Variants in KANSL1 observed in about 807,000 individuals in gnomAD.
KANSL1 encodes the protein MLL1/MLL complex subunit KANSL1.
In KANSL1, 22 loss-of-function variants were observed where a neutral mutation model predicts 103.6. The observed-to-expected ratio is 0.21, with a 90% confidence interval of 0.15 to 0.30. KANSL1 has a LOEUF of 0.30. KANSL1 is among the 10% of genes least tolerant of loss of function. The probability of loss-of-function intolerance (pLI) is 1.00; values close to 1 mark genes in which losing one functional copy is unlikely to be tolerated. For synonymous variants in KANSL1, 600 were observed against 527.6 expected (o/e 1.14, Z -1.88); for missense variants, 1,337 against 1,399.8 (o/e 0.96, Z 0.72).
At chr17:46,220,327 C>T (rs2048489035) in intron 1 of KANSL1, among the ~76,000 whole-genome samples, 4 of 151,840 alleles carry the variant, frequency 2.6e-5, no homozygotes. Flanking sequence ...CGCCATTCTC[C>T]TGCCTCAGCC....
At chr17:46,145,713 C>G (rs1406885481) in intron 2 of KANSL1, among the ~76,000 whole-genome samples, 1 of 152,178 alleles carries the variant, frequency 6.6e-6, no homozygotes, top group East Asian at 1.9e-4. Context: ...CATGGAGGTG[C>G]TCCATCCATA....
intron 4 of KANSL1, among the ~76,000 whole-genome samples, chr17:46,072,726 T>G (rs906733000): frequency 6.6e-6 from 1 of 152,204 alleles, no homozygotes; most frequent in Non-Finnish European, 1.5e-5. Context: ...TTTCTGCCTA[T>G]GTGGGGCTAT....
intron 1 of KANSL1, among the ~76,000 whole-genome samples, chr17:46,201,809 C>A (rs2047814582): frequency 6.6e-6 from 1 of 152,148 alleles, no homozygotes; most frequent in Admixed American, 6.5e-5. Flanking sequence ...GAGTTCAAGA[C>A]CGGCCTGGGC....
intron 1 of KANSL1, among the ~76,000 whole-genome samples, chr17:46,188,787 T>G (rs961787862): frequency 6.6e-6 from 1 of 151,788 alleles, no homozygotes; most frequent in Non-Finnish European, 1.5e-5. Flanking sequence ...TCCTAGCACT[T>G]TGGGAGGCTG....
At chr17:46,054,499 C>CTT (rs1382694227) in intron 6 of KANSL1, among the ~76,000 whole-genome samples, 1 of 152,232 alleles carries the variant, frequency 6.6e-6, no homozygotes, top group Non-Finnish European at 1.5e-5. Flanking sequence ...ACTTCCAAAT[C>CTT]AATCAACACA....
intron 1 of KANSL1, among the ~76,000 whole-genome samples, chr17:46,176,336 T>TATTCTGAGATTATTCA: frequency 6.6e-6 from 1 of 152,372 alleles, no homozygotes; most frequent in East Asian, 1.9e-4. Context: ...TTCTCAAAGT[T>TATTCTGAGATTATTCA]ATTCTGAGAT....
chr17:46,149,009 T>C (rs891490253), intron 2 of KANSL1, among the ~76,000 whole-genome samples: 2 of 110,002 alleles, frequency 1.8e-5, no homozygotes, highest in African/African-American at 5.4e-5. Context: ...TTTTTCTTTT[T>C]TTTTTTTTTT....
chr17:46,151,427 G>A (rs1192869308), intron 2 of KANSL1, among the ~76,000 whole-genome samples: 2 of 152,208 alleles, frequency 1.3e-5, no homozygotes, highest in Admixed American at 6.5e-5. Context: ...CCTCCTCAGA[G>A]AGGCTTTCCC....
chr17:46,225,086 G>A (rs2048644179), upstream of KANSL1, among the ~76,000 whole-genome samples: 1 of 151,700 alleles, frequency 6.6e-6, no homozygotes, highest in South Asian at 2.1e-4. Flanking sequence ...CGGCGTCCCA[G>A]GCCTACGAGT....
Position 46,171,646 on chromosome 17 carries a change from T to G in KANSL1, c.498A>C (p.Thr166=), listed in dbSNP as rs141491325. 7.4e-5 allele frequency: 115 copies of G among 1,556,924 alleles called. No homozygotes were observed. The highest frequency in any genetic ancestry group is 8.6e-5 in the Non-Finnish European group (100 of 1,156,136). The change falls in exon 2 of 15, where the codon ACA becomes ACC. Residue 166 remains threonine, a synonymous_variant. Transcript: ENST00000432791. ...AAGTGGAATTGTCATGATCAGAATG[T>G]GTTGAACTTTTAGTCAATTTCTTAG... ...GLAKKLTKSS[T]HSDHDNSTSL... is the part of the protein sequence containing the mutation.
intron 3 of KANSL1, among the ~76,000 whole-genome samples, chr17:46,090,010 G>C (rs2079321225): frequency 6.6e-6 from 1 of 152,166 alleles, no homozygotes; most frequent in Non-Finnish European, 1.5e-5. Context: ...ATATGACCTT[G>C]TTTAGAAAAA....
intron 1 of KANSL1, among the ~76,000 whole-genome samples, chr17:46,208,756 G>A (rs1031216120): frequency 4.0e-5 from 6 of 151,618 alleles, no homozygotes; most frequent in South Asian, 2.1e-4. Context: ...TCAGCCCACC[G>A]GAGACAGAGG....
chr17:46,120,782 C>T (rs563830051), intron 2 of KANSL1, among the ~76,000 whole-genome samples: 2 of 152,252 alleles, frequency 1.3e-5, no homozygotes, highest in South Asian at 2.1e-4. Flanking sequence ...CATCAAGGTT[C>T]GCTTTGTTTT....
At chr17:46,055,989 ATTCATT>A (rs1422810715) in intron 6 of KANSL1, among the ~76,000 whole-genome samples, 1 of 152,170 alleles carries the variant, frequency 6.6e-6, no homozygotes, top group Non-Finnish European at 1.5e-5. Context: ...ATAAAGATTT[ATTCATT>A]TTCATTTTAT....
chr17:46,177,442 A>C lies in KANSL1; in HGVS notation c.-89-5210T>G, dbSNP rs142491620. On this transcript the variant is annotated intron_variant, in intron 1 of 14. Transcript: ENST00000432791. ...TATTTCATGATGTTGTTTATAATAA[A>C]AAGAAAACTGAATGCCAAAAACTCG... Among the ~76,000 whole-genome samples the C allele has an allele frequency of 1.0e-3, 152 of 152,362 alleles. 1 individual carries two copies. The highest frequency in any genetic ancestry group is 3.5e-3 in the African/African-American group (144 of 41,568).
At chr17:46,125,058 GGAGGGAGGGAGGAGGGAGGGAGGGAGA>G (rs1445145484) in intron 2 of KANSL1, among the ~76,000 whole-genome samples, 1 of 46,854 alleles carries the variant, frequency 2.1e-5, no homozygotes, top group East Asian at 4.2e-4. Flanking sequence ...GAGGGAGGGA[GGAGGGAGGGAGGAGGGAGGGAGGGAGA>G]GAGGGAGGGA....
At chr17:46,040,574 T>C (rs999311838) in intron 7 of KANSL1, 3 of 152,272 alleles carry the variant, frequency 2.0e-5, no homozygotes, top group African/African-American at 7.2e-5. Context: ...CTCAAACATT[T>C]AAAGCTATTC....
intron 1 of KANSL1, among the ~76,000 whole-genome samples, chr17:46,209,504 G>T (rs1251757160): frequency 3.3e-5 from 5 of 152,064 alleles, no homozygotes; most frequent in African/African-American, 1.2e-4. Flanking sequence ...TTTTGTTGTT[G>T]TTTTTTTGAG....
upstream of KANSL1, chr17:46,224,476 C>G (rs2048623567): frequency 6.8e-6 from 1 of 147,868 alleles, no homozygotes; most frequent in African/African-American, 2.4e-5. Context: ...GGCTTGCCTG[C>G]GTAGGGACAA....
Sources: allele counts gnomAD v4.1 joint callset (sites outside exome capture counted in the v4.1 genomes callset), GRCh38; gene constraint gnomAD v4.1.1; transcripts MANE v1.5; gene names NCBI Gene and HGNC (gene_info 2026-07-23, HGNC 2026-07-21).